Variants in XKR9 observed in about 807,000 individuals in gnomAD.
XKR9 encodes the protein XK related 9, also known as XK-related protein 9.
A neutral mutation model predicts 32.0 loss-of-function variants in XKR9; 32 were observed. That is an observed-to-expected ratio of 1.00 (90% CI 0.76 to 1.34). The LOEUF (loss-of-function observed/expected upper bound fraction) is 1.34, where lower values mean the gene tolerates loss of function less well. XKR9 is among the 40% of genes most tolerant of loss of function. The pLI, the probability that XKR9 is intolerant of heterozygous loss-of-function variation, is 0.00. For missense variants in XKR9, 546 were observed against 429.7 expected, an observed-to-expected ratio of 1.27 and a Z score of -2.39; for synonymous variants, 168 against 143.4, an observed-to-expected ratio of 1.17 and a Z score of -1.22.
chr8:70,675,415 C>T (rs887065363), intron 2 of XKR9, among the ~76,000 whole-genome samples: 15 of 152,202 alleles, frequency 9.9e-5, no homozygotes, highest in African/African-American at 3.6e-4. Flanking sequence ...CAAGTGGTTG[C>T]TGTACAGCCT....
chr8:70,748,164 G>A (rs1041959742), intron 2 of XKR9, among the ~76,000 whole-genome samples: 7 of 152,256 alleles, frequency 4.6e-5, no homozygotes, highest in Non-Finnish European at 4.4e-5. Flanking sequence ...GAAGAAGTGG[G>A]TTGCAGCGGG....
chr8:70,767,854 G>T (rs1251599011), intron 2 of XKR9, among the ~76,000 whole-genome samples: 1 of 151,892 alleles, frequency 6.6e-6, no homozygotes, highest in Admixed American at 6.6e-5. Context: ...TATCTATTTT[G>T]TTAATCTTTT....
At chr8:70,878,030 T>G in the XKR9 span, among the ~76,000 whole-genome samples, 1 of 152,152 alleles carries the variant, frequency 6.6e-6, no homozygotes, top group Non-Finnish European at 1.5e-5. Flanking sequence ...AAAATAATTT[T>G]CAACCCAGAA....
At chr8:71,015,837 A>G in the XKR9 span, among the ~76,000 whole-genome samples, 6 of 152,314 alleles carry the variant, frequency 3.9e-5, no homozygotes, top group South Asian at 1.0e-3. Flanking sequence ...TTCTTTGTAG[A>G]CAGGAACTGT....
chr8:70,848,010 C>A, the XKR9 span, among the ~76,000 whole-genome samples: 1 of 151,750 alleles, frequency 6.6e-6, no homozygotes, highest in South Asian at 2.1e-4. Context: ...CAAGAACACA[C>A]AAAAAAAGAA....
At chr8:70,831,114 A>G in the XKR9 span, among the ~76,000 whole-genome samples, 1 of 152,110 alleles carries the variant, frequency 6.6e-6, no homozygotes, top group Non-Finnish European at 1.5e-5. Flanking sequence ...AACATGGTGA[A>G]ACCCCATCTC....
At chr8:70,832,697 C>T in the XKR9 span, among the ~76,000 whole-genome samples, 2 of 152,122 alleles carry the variant, frequency 1.3e-5, no homozygotes, top group African/African-American at 4.8e-5. Context: ...ACAACCCTGC[C>T]AGTAAGGGAT....
At chr8:70,931,159 A>G in the XKR9 span, among the ~76,000 whole-genome samples, 1 of 152,096 alleles carries the variant, frequency 6.6e-6, no homozygotes, top group Non-Finnish European at 1.5e-5. Context: ...AAAAAAAAAA[A>G]AAAATCAGAG....
the XKR9 span, among the ~76,000 whole-genome samples, chr8:70,812,126 G>T: frequency 1.3e-5 from 2 of 152,266 alleles, no homozygotes; most frequent in Admixed American, 6.5e-5. Context: ...GGGATGCAAG[G>T]CTAGTTCAAC....
the XKR9 span, among the ~76,000 whole-genome samples, chr8:70,860,967 G>A: frequency 3.9e-5 from 6 of 152,026 alleles, no homozygotes; most frequent in South Asian, 2.1e-4. Context: ...CTATTGTTAC[G>A]CTTATTATTA....
At chr8:70,991,980 G>A in the XKR9 span, among the ~76,000 whole-genome samples, 278 of 152,288 alleles carry the variant, frequency 1.8e-3, 3 homozygotes, top group South Asian at 0.016. Context: ...CATTTGCAGT[G>A]TCCTTTGTCA....
chr8:70,707,143 T>G lies in XKR9; in HGVS notation c.483T>G (p.Asn161Lys), dbSNP rs748393679. 31 of 1,612,658 alleles carry G rather than the reference T, an allele frequency of 1.9e-5. No individual in the cohort carries two copies. The highest frequency in any genetic ancestry group is 2.6e-5 in the Non-Finnish European group (31 of 1,178,990). The change falls in exon 4 of 5, where the codon AAT becomes AAG. Residue 161 changes from asparagine (N) to lysine (K), a missense_variant. By Grantham distance (94) the Asn-to-Lys change is moderately conservative (BLOSUM62 0). Coordinates refer to ENST00000408926, the MANE Select transcript of XKR9 (RefSeq NM_001011720.2). ...LYILLEHGQA[N>K]FSQYAAIMVS... ...TTCTTCTGGAGCATGGACAAGCGAA[T>G]TTCAGTCAGTGTAAGTTTTTCTTAA... is the stretch of plus-strand genomic sequence containing the variant.
intron 3 of XKR9, among the ~76,000 whole-genome samples, chr8:70,704,074 C>T (rs949594507): frequency 5.9e-5 from 9 of 151,858 alleles, no homozygotes; most frequent in South Asian, 4.2e-4. Flanking sequence ...CCCAGCTACT[C>T]GGGAGGCTGA....
At chr8:71,036,531 A>C in the XKR9 span, among the ~76,000 whole-genome samples, 1 of 152,280 alleles carries the variant, frequency 6.6e-6, no homozygotes. Flanking sequence ...TTGGGGTCAA[A>C]GAACAGGGGA....
At chr8:70,932,718 T>C in the XKR9 span, among the ~76,000 whole-genome samples, 2 of 152,162 alleles carry the variant, frequency 1.3e-5, no homozygotes, top group Non-Finnish European at 2.9e-5. Context: ...CATGTCCTTT[T>C]CTCTGTGCAT....
intron 2 of XKR9, among the ~76,000 whole-genome samples, chr8:70,780,632 A>G (rs1283069936): frequency 6.6e-6 from 1 of 152,124 alleles, no homozygotes; most frequent in Non-Finnish European, 1.5e-5. Flanking sequence ...AGGAAGCATG[A>G]CTGCCGACAG....
the XKR9 span, among the ~76,000 whole-genome samples, chr8:71,062,945 C>T: frequency 9.2e-5 from 14 of 152,110 alleles, no homozygotes; most frequent in East Asian, 5.8e-4. Flanking sequence ...AGCTATAAGC[C>T]GTACATTTAC....
At chr8:70,934,704 C>A in the XKR9 span, among the ~76,000 whole-genome samples, 1 of 151,966 alleles carries the variant, frequency 6.6e-6, no homozygotes, top group South Asian at 2.1e-4. Context: ...ATTCGTATTT[C>A]AAATATGCAA....
the XKR9 span, among the ~76,000 whole-genome samples, chr8:70,893,126 A>G: frequency 6.6e-6 from 1 of 151,798 alleles, no homozygotes; most frequent in Non-Finnish European, 1.5e-5. Context: ...GAAACTCTCT[A>G]TCGTATTTTT....
Sources: gnomAD v4.1 joint callset for allele counts (sites outside exome capture counted in the v4.1 genomes callset) on GRCh38, gnomAD v4.1.1 for gene constraint, MANE v1.5 for transcripts, NCBI Gene and HGNC (gene_info 2026-07-23, HGNC 2026-07-21) for gene names.